Variants in ST8SIA1 observed in about 807,000 individuals in gnomAD.
ST8SIA1 encodes alpha-N-acetylneuraminide alpha-2,8-sialyltransferase.
In ST8SIA1, 16 loss-of-function variants were observed where a neutral mutation model predicts 35.9. That is an observed-to-expected ratio of 0.45 (90% confidence interval 0.30 to 0.68). The LOEUF (loss-of-function observed/expected upper bound fraction) is 0.68, where lower values mean the gene tolerates loss of function less well. Among genes scored for constraint, ST8SIA1 ranks in the 30% least tolerant of loss-of-function variants. ST8SIA1 has a pLI of 0.09. For missense variants in ST8SIA1, 383 were observed against 453.6 expected, an observed-to-expected ratio of 0.84 and a Z score of 1.41; for synonymous variants, 170 against 169.6, an observed-to-expected ratio of 1.00 and a Z score of -0.02.
At position 22,334,279 on chromosome 12, in the gene ST8SIA1, G is replaced by A. The variant is rs781178418; in HGVS notation, c.-47C>T. 1.3e-6 allele frequency: 2 copies of A among 1,504,470 alleles called. No homozygotes were observed. The highest frequency in any genetic ancestry group is 4.5e-5 in the East Asian group (2 of 43,978). The allele number at this position is 1,504,470 out of a possible 1,614,324, so 93.2% of individuals were successfully genotyped here. ...GCGGGGGCCGGGGCCTCAGCACAAAGCTAGGCGAAGTGGCAGCGGAGGGTC... is the reference window on the plus strand; with the variant it reads ...GCGGGGGCCGGGGCCTCAGCACAAAACTAGGCGAAGTGGCAGCGGAGGGTC... On this transcript the variant is annotated 5_prime_UTR_variant, in exon 1 of 5. Transcript: ENST00000396037.
At chr12:22,285,877 C>CAAACAAACAAAAAAAAACA (rs1481110959) in intron 2 of ST8SIA1, among the ~76,000 whole-genome samples, 2 of 103,632 alleles carry the variant, frequency 1.9e-5, no homozygotes, top group African/African-American at 7.4e-5. Context: ...CTGTCAAAAA[C>CAAACAAACAAAAAAAAACA]AAAAAAAAAA....
In ST8SIA1 at chr12:22,218,612, A is replaced by AAAATAAAAAAATAAAT. The variant is rs1555154217; in HGVS notation, c.585-16575_585-16574insATTTATTTTTTTATTT. Among the ~76,000 whole-genome samples, 4 of 139,344 alleles carry AAAATAAAAAAATAAAT rather than the reference A, an allele frequency of 2.9e-5. No homozygotes were observed. The East Asian group carries it at 8.5e-4, about 30-fold the overall frequency. 91.4% of individuals were successfully genotyped at this position (139,344 alleles called of 152,430 possible). A position where few individuals can be genotyped will look rare whatever the true frequency, so the allele number is the denominator to read the frequency against. On this transcript the variant is annotated intron_variant, in intron 4 of 4. Transcript: ENST00000396037. The stretch of plus-strand genomic sequence containing the variant: ...CAGTCTGGGTGACAAAGCGAGACTC[A>AAAATAAAAAAATAAAT]AAATAAATAAATAAATAAATAAATA...
intron 4 of ST8SIA1, among the ~76,000 whole-genome samples, chr12:22,231,015 A>C (rs1048393592): frequency 1.6e-4 from 25 of 151,972 alleles, no homozygotes; most frequent in Non-Finnish European, 3.1e-4. Flanking sequence ...ATCCCAAAAA[A>C]CTAGAAATAT....
chr12:22,302,132 T>A (rs760689027), intron 1 of ST8SIA1, among the ~76,000 whole-genome samples: 1 of 152,180 alleles, frequency 6.6e-6, no homozygotes, highest in Non-Finnish European at 1.5e-5. Flanking sequence ...TAGATTCCAG[T>A]TTTGCCTAAG....
Position 22,334,297 on chromosome 12 carries a change from G to A in ST8SIA1, c.-65C>T. ...GCACAAAGCTAGGCGAAGTGGCAGCGGAGGGTCCCCCACCGCCAGCCCCCC... is the reference window on the plus strand; with the variant it reads ...GCACAAAGCTAGGCGAAGTGGCAGCAGAGGGTCCCCCACCGCCAGCCCCCC... On this transcript the variant is annotated 5_prime_UTR_variant, in exon 1 of 5. Coordinates refer to ENST00000396037, the MANE Select transcript of ST8SIA1 (RefSeq NM_003034.4). 1 of 1,345,186 alleles carries A rather than the reference G, an allele frequency of 7.4e-7. No homozygotes were observed. Among genetic ancestry groups the A allele is most frequent in the Non-Finnish European group, 1.0e-6 (1 of 967,434 alleles). 83.3% of individuals were successfully genotyped at this position (1,345,186 alleles called of 1,614,324 possible). A position where few individuals can be genotyped will look rare whatever the true frequency, so the allele number is the denominator to read the frequency against.
At chr12:22,230,732 G>A (rs1415173743) in intron 4 of ST8SIA1, among the ~76,000 whole-genome samples, 7 of 152,142 alleles carry the variant, frequency 4.6e-5, no homozygotes, top group Admixed American at 4.6e-4. Context: ...CTTGAATAGA[G>A]TAGAGACTAG....
In ST8SIA1 at chr12:22,197,035, C is replaced by T. The variant is rs1012470035; in HGVS notation, c.*4517G>A. Reference sequence around the variant, plus strand: ...TCTCCTTTCAACTTGCCTCACCCTCCTCCTAGCACATAGTGGAATGAAGTT... The same window carrying T: ...TCTCCTTTCAACTTGCCTCACCCTCTTCCTAGCACATAGTGGAATGAAGTT... On this transcript the variant is annotated 3_prime_UTR_variant, in exon 5 of 5. Transcript: ENST00000396037. 2 of 152,158 alleles carry T rather than the reference C, an allele frequency of 1.3e-5. No individual in the cohort carries two copies. Among genetic ancestry groups the T allele is most frequent in the African/African-American group, 4.8e-5 (2 of 41,416 alleles). The allele number at this position is 152,158 out of a possible 1,614,324, so 9.4% of individuals were successfully genotyped here. A position where few individuals can be genotyped will look rare whatever the true frequency, so the allele number is the denominator to read the frequency against.
chr12:22,319,302 G>T (rs969079840), intron 1 of ST8SIA1, among the ~76,000 whole-genome samples: 1 of 152,104 alleles, frequency 6.6e-6, no homozygotes, highest in Non-Finnish European at 1.5e-5. Flanking sequence ...GATAAAATCT[G>T]CATTAAAGCA....
chr12:22,255,357 G>A lies in ST8SIA1; in HGVS notation c.414C>T (p.Cys138=), dbSNP rs373672934. The A allele has an allele frequency of 1.5e-5, 24 of 1,613,984 alleles. No homozygotes were observed. In the Middle Eastern group the frequency reaches 4.9e-4, roughly 33 times the overall value. ...GAATCCCACCATTTCCCACCACCGC[G>A]CATTTCTTCAATGGCAGCTGGAATG... The part of the protein sequence containing the change: ...ATPFQLPLKK[C]AVVGNGGILK... Residue 138 remains cysteine, a synonymous_variant, in exon 3 of 5, where the codon TGC becomes TGT. Coordinates refer to ENST00000396037, the MANE Select transcript of ST8SIA1 (RefSeq NM_003034.4).
intron 1 of ST8SIA1, among the ~76,000 whole-genome samples, chr12:22,318,763 C>T (rs1221508236): frequency 6.6e-6 from 1 of 152,188 alleles, no homozygotes; most frequent in African/African-American, 2.4e-5. Flanking sequence ...GAAATTTTAT[C>T]ATTTGCGATT....
chr12:22,242,322 T>C (rs1865550205), intron 4 of ST8SIA1, among the ~76,000 whole-genome samples: 1 of 152,182 alleles, frequency 6.6e-6, no homozygotes, highest in Non-Finnish European at 1.5e-5. Context: ...GTAACACTTA[T>C]TTGAATTACA....
chr12:22,222,852 C>A (rs554675177), intron 4 of ST8SIA1, among the ~76,000 whole-genome samples: 2 of 152,122 alleles, frequency 1.3e-5, no homozygotes, highest in African/African-American at 4.8e-5. Flanking sequence ...CATAAATACA[C>A]AAATACCCCT....
At chr12:22,237,670 CT>C (rs928671088) in intron 4 of ST8SIA1, among the ~76,000 whole-genome samples, 20 of 150,928 alleles carry the variant, frequency 1.3e-4, no homozygotes, top group African/African-American at 4.9e-4. Context: ...AAATCACTGG[CT>C]TTTTTTTAGG....
intron 1 of ST8SIA1, among the ~76,000 whole-genome samples, chr12:22,308,867 T>C (rs1400941081): frequency 6.6e-6 from 1 of 152,088 alleles, no homozygotes; most frequent in East Asian, 1.9e-4. Flanking sequence ...GCTTTTTCTC[T>C]CTCCCCTGAT....
Position 22,218,487 on chromosome 12 carries a change from G to A in ST8SIA1, c.585-16449C>T, listed in dbSNP as rs184395540. Among the ~76,000 whole-genome samples the A allele has an allele frequency of 5.0e-4, 75 of 149,594 alleles. 1 individual carries two copies. The highest frequency in any genetic ancestry group is 1.7e-3 in the African/African-American group (67 of 40,572). On this transcript the variant is annotated intron_variant, in intron 4 of 4. Coordinates refer to ENST00000396037, the MANE Select transcript of ST8SIA1 (RefSeq NM_003034.4). ...ACAAAAATTAGCCAGGCATGGTGGC[G>A]GGCACCCATAATCCCAGCTACTCGC...
At chr12:22,246,255 G>A (rs180996682) in intron 4 of ST8SIA1, among the ~76,000 whole-genome samples, 87 of 152,228 alleles carry the variant, frequency 5.7e-4, no homozygotes, top group Non-Finnish European at 1.1e-3. Context: ...GAGATACCCC[G>A]CTGGTGTCTG....
intron 1 of ST8SIA1, among the ~76,000 whole-genome samples, chr12:22,305,124 G>A (rs1866368696): frequency 1.3e-5 from 2 of 152,020 alleles, no homozygotes; most frequent in Non-Finnish European, 1.5e-5. Context: ...TACTTCTATC[G>A]GTATGCCTAA....
rs558350458 is a variant in ST8SIA1, at chr12:22,310,850, G to A, written c.236+23147C>T. Among the ~76,000 whole-genome samples, 153 of 152,168 alleles carry A rather than the reference G, an allele frequency of 1.0e-3. 2 individuals carry two copies. Among genetic ancestry groups the A allele is most frequent in the African/African-American group, 3.4e-3 (140 of 41,522 alleles). On this transcript the variant is annotated intron_variant, in intron 1 of 4. Transcript: ENST00000396037. ...AATTGACTAAAGAAAAACACAAGCT[G>A]AACAGAAGAGCTGAGACACGCATTA...
intron 4 of ST8SIA1, among the ~76,000 whole-genome samples, chr12:22,233,055 C>T (rs1200157923): frequency 1.3e-5 from 2 of 152,038 alleles, no homozygotes; most frequent in African/African-American, 2.4e-5. Flanking sequence ...AGGACATAAC[C>T]TTGCAGATTG....
Sources: gnomAD v4.1 joint callset for allele counts (sites outside exome capture counted in the v4.1 genomes callset) on GRCh38, gnomAD v4.1.1 for gene constraint, MANE v1.5 for transcripts, NCBI Gene and HGNC (gene_info 2026-07-23, HGNC 2026-07-21) for gene names.